Variants in ZNF362 observed in about 807,000 individuals in gnomAD.
The protein encoded by ZNF362 is zinc finger protein 362, also known as rotund homolog.
A neutral mutation model predicts 42.9 loss-of-function variants in ZNF362; 11 were observed. The observed-to-expected ratio is 0.26, with a 90% CI of 0.16 to 0.42. The LOEUF is 0.42. Ranked by LOEUF, ZNF362 falls within the 20% of genes least tolerant of loss-of-function variation. The pLI, the probability that ZNF362 is intolerant of heterozygous loss-of-function variation, is 1.00. For missense variants in ZNF362, 362 were observed against 576.2 expected, an observed-to-expected ratio of 0.63 and a Z score of 3.81; for synonymous variants, 255 against 257.3, an observed-to-expected ratio of 0.99 and a Z score of 0.09.
At chr1:33,200,263 T>C in the ZNF362 span, 1 of 151,114 alleles carries the variant, frequency 6.6e-6, no homozygotes, top group Non-Finnish European at 1.5e-5. Flanking sequence ...GAGTTAGAGG[T>C]TACATTACAA....
chr1:33,168,646 A>T, the ZNF362 span, among the ~76,000 whole-genome samples: 1 of 152,204 alleles, frequency 6.6e-6, no homozygotes. Context: ...CTAACAGCTG[A>T]AAGTCATTCC....
the ZNF362 span, among the ~76,000 whole-genome samples, chr1:33,248,919 C>A: frequency 1.3e-5 from 2 of 152,304 alleles, no homozygotes; most frequent in Non-Finnish European, 2.9e-5. Context: ...AGATAATGCT[C>A]AAATATTTCA....
At chr1:33,153,272 G>T in the ZNF362 span, among the ~76,000 whole-genome samples, 1 of 152,150 alleles carries the variant, frequency 6.6e-6, no homozygotes, top group African/African-American at 2.4e-5. Context: ...AAAGAAAGGG[G>T]CCCAGCCAAC....
At chr1:33,286,773 G>A (rs1324123328) in intron 6 of ZNF362, among the ~76,000 whole-genome samples, 2 of 152,140 alleles carry the variant, frequency 1.3e-5, no homozygotes, top group East Asian at 1.9e-4. Context: ...GCTATTTGAC[G>A]GAGGCCCTTT....
chr1:33,236,730 T>A, the ZNF362 span, among the ~76,000 whole-genome samples: 391 of 151,130 alleles, frequency 2.6e-3, 6 homozygotes, highest in African/African-American at 9.2e-3. Flanking sequence ...GTACATGAGG[T>A]GACCGATTTG....
At chr1:33,146,864 G>A in the ZNF362 span, 1 of 377,268 alleles carries the variant, frequency 2.7e-6, no homozygotes, top group Non-Finnish European at 4.9e-6. Context: ...GGAGACACTG[G>A]AAGGTAGTCC....
chr1:33,155,530 A>C, the ZNF362 span, among the ~76,000 whole-genome samples: 3 of 152,152 alleles, frequency 2.0e-5, no homozygotes, highest in Admixed American at 6.5e-5. Flanking sequence ...GGTGTGTGTG[A>C]GGTCAGAGAA....
intron 4 of ZNF362, among the ~76,000 whole-genome samples, chr1:33,279,162 CT>C: frequency 6.6e-6 from 1 of 152,058 alleles, no homozygotes; most frequent in Admixed American, 6.6e-5. Flanking sequence ...GTAGCTGGGA[CT>C]ACAGGCACAC....
At chr1:33,229,463 G>A in the ZNF362 span, among the ~76,000 whole-genome samples, 1 of 149,104 alleles carries the variant, frequency 6.7e-6, no homozygotes, top group Admixed American at 6.7e-5. Context: ...CTGGAGTGTA[G>A]TGGCATGATC....
At chr1:33,151,478 A>T in the ZNF362 span, among the ~76,000 whole-genome samples, 1 of 152,074 alleles carries the variant, frequency 6.6e-6, no homozygotes, top group Admixed American at 6.5e-5. Context: ...TAGGGCTAAC[A>T]GGAGTAACAA....
chr1:33,256,251 G>GCCCCCGCCCCCCGCCCGGCCCC (rs1645788859), upstream of ZNF362, among the ~76,000 whole-genome samples: 3 of 137,784 alleles, frequency 2.2e-5, no homozygotes, highest in South Asian at 7.2e-4. Context: ...CGCGCGGCCC[G>GCCCCCGCCCCCCGCCCGGCCCC]CCCCCGCCCC....
At chr1:33,184,333 G>A in the ZNF362 span, among the ~76,000 whole-genome samples, 1 of 152,186 alleles carries the variant, frequency 6.6e-6, no homozygotes, top group African/African-American at 2.4e-5. Context: ...AAATAAAGGA[G>A]ATGTGATGGA....
intron 1 of ZNF362, 54 bp from the exon 2 acceptor site, chr1:33,270,433 C>G (rs1392087420): frequency 6.6e-6 from 4 of 610,144 alleles, no homozygotes; most frequent in Non-Finnish European, 1.2e-5. Flanking sequence ...TGGTAGCTGG[C>G]ACTTTACTAT....
At chr1:33,250,661 A>T in the ZNF362 span, among the ~76,000 whole-genome samples, 1 of 152,136 alleles carries the variant, frequency 6.6e-6, no homozygotes, top group South Asian at 2.1e-4. Flanking sequence ...TGATGGGTTG[A>T]TCTGTGCAGC....
At chr1:33,192,215 C>A in the ZNF362 span, among the ~76,000 whole-genome samples, 1 of 152,206 alleles carries the variant, frequency 6.6e-6, no homozygotes. Flanking sequence ...AACCAACAAA[C>A]TCCACCAGTT....
intron 1 of ZNF362, among the ~76,000 whole-genome samples, chr1:33,262,888 A>C (rs145685818): frequency 4.5e-4 from 68 of 152,348 alleles, no homozygotes; most frequent in African/African-American, 1.4e-3. Flanking sequence ...TGGAGTGTGC[A>C]TGCACACACG....
At chr1:33,145,259 C>G in the ZNF362 span, 1 of 152,276 alleles carries the variant, frequency 6.6e-6, no homozygotes, top group African/African-American at 2.4e-5. Context: ...CTCTGAACCT[C>G]AATTTTCCTC....
chr1:33,213,382 G>A, the ZNF362 span, among the ~76,000 whole-genome samples: 9 of 152,054 alleles, frequency 5.9e-5, 1 homozygote, highest in Admixed American at 5.3e-4. Flanking sequence ...CTTTAAGTAT[G>A]GGCAGTTTAT....
In ZNF362 at chr1:33,294,837, A is replaced by G. The variant is rs934864233; in HGVS notation, c.909-100A>G. ...GGTCCTTGGGGAGCATGGGCAGGGTAGGGACCGAGAGGCTTAGGGGCCAGA... is the reference window on the plus strand; with the variant it reads ...GGTCCTTGGGGAGCATGGGCAGGGTGGGGACCGAGAGGCTTAGGGGCCAGA... On this transcript the variant is annotated intron_variant, in intron 6 of 8. Transcript: ENST00000539719. The surrounding 1 kb of genome is among the most constrained non-coding windows in gnomAD (Gnocchi z 4.2). The G allele has an allele frequency of 7.7e-7, 1 of 1,295,422 alleles. No homozygotes were observed. Among genetic ancestry groups the G allele is most frequent in the African/African-American group, 1.5e-5 (1 of 68,052 alleles). The allele number at this position is 1,295,422 out of a possible 1,614,324, so 80.2% of individuals were successfully genotyped here.
Sources: allele counts gnomAD v4.1 joint callset (sites outside exome capture counted in the v4.1 genomes callset), GRCh38; gene constraint gnomAD v4.1.1; non-coding constraint Gnocchi (gnomAD v3.1); transcripts MANE v1.5; gene names NCBI Gene and HGNC (gene_info 2026-07-23, HGNC 2026-07-21).